Variants in MUC4 observed in about 807,000 individuals in gnomAD.
MUC4 encodes mucin-4.
A neutral mutation model predicts 257.9 loss-of-function variants in MUC4; 202 were observed. That is an observed-to-expected ratio of 0.78 (90% CI 0.70 to 0.88). The LOEUF (loss-of-function observed/expected upper bound fraction) is 0.88, where lower values mean the gene tolerates loss of function less well. Ranked by LOEUF, MUC4 falls within the 40% of genes least tolerant of loss-of-function variation. The pLI, the probability that MUC4 is intolerant of heterozygous loss-of-function variation, is 0.00. For missense variants in MUC4, 5,976 were observed against 6,513.7 expected, an observed-to-expected ratio of 0.92 and a Z score of 2.84; for synonymous variants, 2,351 against 2,757.1, an observed-to-expected ratio of 0.85 and a Z score of 4.62.
chr3:195,811,140 ATTTTATATTTATTTAT>A (rs1459813421), intron 1 of MUC4, among the ~76,000 whole-genome samples: 4 of 144,666 alleles, frequency 2.8e-5, no homozygotes, highest in African/African-American at 1.0e-4. Flanking sequence ...TTTTTATTTT[ATTTTATATTTATTTAT>A]TTATTTATTT....
intron 21 of MUC4, 124 bp downstream of exon 21, chr3:195,752,249 C>T (rs1716587771): frequency 2.2e-6 from 2 of 917,748 alleles, no homozygotes; most frequent in Admixed American, 1.9e-5. Flanking sequence ...GCAAGAGGCT[C>T]CGGCCTCCTC....
At chr3:195,809,379 G>A (rs557742370) in intron 1 of MUC4, among the ~76,000 whole-genome samples, 3 of 152,162 alleles carry the variant, frequency 2.0e-5, no homozygotes, top group Admixed American at 6.5e-5. Flanking sequence ...CAAAAGGAAC[G>A]GGGCTGGCTG....
At chr3:195,764,514 T>C (rs1344853107) in intron 10 of MUC4, among the ~76,000 whole-genome samples, 1 of 152,120 alleles carries the variant, frequency 6.6e-6, no homozygotes, top group Non-Finnish European at 1.5e-5. Flanking sequence ...GAGAGCCAAG[T>C]ACTGCTGCTC....
intron 15 of MUC4, 84 bp from the exon 16 acceptor site, chr3:195,761,201 G>A (rs1718818555): frequency 7.6e-7 from 1 of 1,320,540 alleles, no homozygotes; most frequent in African/African-American, 1.5e-5. Flanking sequence ...CACTTTAGAT[G>A]GCTTGGAGCG....
At chr3:195,770,598 G>A (rs150059060) in intron 5 of MUC4, 29 of 585,298 alleles carry the variant, frequency 5.0e-5, no homozygotes, top group African/African-American at 4.1e-4. Flanking sequence ...TGGCCCAGAC[G>A]TCCAAGACCT....
At chr3:195,803,621 T>C (rs1168217224) in intron 1 of MUC4, among the ~76,000 whole-genome samples, 1 of 152,232 alleles carries the variant, frequency 6.6e-6, no homozygotes. Context: ...CTTTATAGCT[T>C]ATCTTGTTAA....
In MUC4 at chr3:195,765,452, G is replaced by A. The variant is rs1158713686; in HGVS notation, c.13619-3C>T. 1 of 1,610,006 alleles carries A rather than the reference G, an allele frequency of 6.2e-7. No individual in the cohort carries two copies. ...GTAGAACTGCAGCCCTTGGAGGCCTGAGGTCGGGGATGGGGGGGAAAGGGC... is the reference window on the plus strand; with the variant it reads ...GTAGAACTGCAGCCCTTGGAGGCCTAAGGTCGGGGATGGGGGGGAAAGGGC... On this transcript the variant is annotated splice_polypyrimidine_tract_variant and splice_region_variant and intron_variant, in intron 8 of 24. Transcript: ENST00000463781.
intron 18 of MUC4, among the ~76,000 whole-genome samples, chr3:195,754,820 GTGTAT>G (rs1717233624): frequency 5.5e-5 from 1 of 18,100 alleles, no homozygotes; most frequent in African/African-American, 9.0e-5. Context: ...GTATCCATGT[GTGTAT>G]CCATGTGTGT....
intron 1 of MUC4, among the ~76,000 whole-genome samples, chr3:195,795,850 G>GC (rs1390131810): frequency 4.7e-5 from 6 of 126,690 alleles, no homozygotes; most frequent in African/African-American, 1.6e-4. Flanking sequence ...TGGGGGAGGG[G>GC]GGTGGGAGGA....
chr3:195,752,378 C>T lies in MUC4; in HGVS notation c.15577G>A (p.Ala5193Thr), dbSNP rs377123370. 2.0e-5 allele frequency: 32 copies of T among 1,613,246 alleles called. No individual in the cohort carries two copies. Among genetic ancestry groups the T allele is most frequent in the African/African-American group, 2.7e-5 (2 of 74,920 alleles). Reference protein sequence around the residue: ...EENASMAEVNASVAYRLGTLD... With the variant: ...EENASMAEVNTSVAYRLGTLD... ...GCGCGGCCTGCAGCACTGACCGAGG[C>T]GTTGACTTCTGCCATGGAGGCATTT... Residue 5193 changes from alanine (A) to threonine (T), a missense_variant, in exon 21 of 25, where the codon GCC (alanine) becomes ACC (threonine). This residue lies in a region of MUC4 where 996 missense variants were observed against 1,137.3 expected (regional missense o/e 0.88). Coordinates refer to ENST00000463781, the MANE Select transcript of MUC4 (RefSeq NM_018406.7).
rs770027664 is a variant in MUC4 at position 195,781,508 on chromosome 3, CGTG to C, written c.10069_10071del (p.His3357del). On this transcript the variant is annotated inframe_deletion, in exon 2 of 25. Transcript: ENST00000463781. ...AGGCCGGTGACAGGAAGAGGGGTGG[CGTG>C]ACCTGTGGATACTGAGGAAGTGTCG... is the stretch of plus-strand genomic sequence containing the variant. 2 of 1,504,392 alleles carry C rather than the reference CGTG, an allele frequency of 1.3e-6. No homozygotes were observed. Among genetic ancestry groups the C allele is most frequent in the African/African-American group, 3.2e-5 (2 of 62,114 alleles). 93.2% of individuals were successfully genotyped at this position (1,504,392 alleles called of 1,614,324 possible).
chr3:195,806,893 A>G lies in MUC4; in HGVS notation c.82+4843T>C, dbSNP rs567576329. 8.5e-5 allele frequency among the ~76,000 whole-genome samples: 13 copies of G among 152,340 alleles called. No individual in the cohort carries two copies. The South Asian group carries it at 2.5e-3, about 29-fold the overall frequency. On this transcript the variant is annotated intron_variant, in intron 1 of 24. Coordinates refer to ENST00000463781, the MANE Select transcript of MUC4 (RefSeq NM_018406.7). Reference sequence around the variant, plus strand: ...TTCTGCAAGTGAATGAACAACTCCAAAGTCTAGGCTGTTTCTTATTCCAAA... The same window carrying G: ...TTCTGCAAGTGAATGAACAACTCCAGAGTCTAGGCTGTTTCTTATTCCAAA...
At chr3:195,778,071 G>A (rs1232780773) in intron 3 of MUC4, among the ~76,000 whole-genome samples, 4 of 152,316 alleles carry the variant, frequency 2.6e-5, no homozygotes, top group South Asian at 2.1e-4. Flanking sequence ...CGCCGCTACC[G>A]GACCGTCCAT....
At chr3:195,752,141 C>T (rs970154954) in intron 21 of MUC4, 16 of 559,466 alleles carry the variant, frequency 2.9e-5, no homozygotes, top group Admixed American at 6.0e-5. Flanking sequence ...TTAGAGGTCT[C>T]GGCTGGGGTG....
At chr3:195,753,459 CTCAGACCCTCTGCT>C in intron 19 of MUC4, 2 of 542,132 alleles carry the variant, frequency 3.7e-6, no homozygotes, top group Non-Finnish European at 6.4e-6. Flanking sequence ...TGGAGTGTTT[CTCAGACCCTCTGCT>C]TCAGAAAGGA....
Position 195,752,456 on chromosome 3 carries a change from G to A in MUC4, c.15509-10C>T, listed in dbSNP as rs1323090238. On this transcript the variant is annotated splice_polypyrimidine_tract_variant and intron_variant, in intron 20 of 24. Transcript: ENST00000463781. ...ACTCTTAAGGGAAGTTCTGGAGATG[G>A]GAGAAGCAAATGTATCATCACCCCA... The A allele has an allele frequency of 2.5e-6, 4 of 1,611,550 alleles. No individual in the cohort carries two copies. Among genetic ancestry groups the A allele is most frequent in the Admixed American group, 3.3e-5 (2 of 60,020 alleles).
At position 195,778,238 on chromosome 3, in the gene MUC4, G is replaced by T. The variant is rs1349375369; in HGVS notation, c.12943+65C>A. 3.2e-5 allele frequency: 49 copies of T among 1,510,884 alleles called. No individual in the cohort carries two copies. The African/African-American group carries it at 4.2e-4, about 13-fold the overall frequency. 93.6% of individuals were successfully genotyped at this position (1,510,884 alleles called of 1,614,324 possible). ...AGAGAGCGGAGACTGTGGGAAGTAG[G>T]CTGAGAGGGAGCCTTCAGTTACATC... On this transcript the variant is annotated intron_variant, in intron 3 of 24. Coordinates refer to ENST00000463781, the MANE Select transcript of MUC4 (RefSeq NM_018406.7).
intron 1 of MUC4, 105 bp downstream of exon 1, chr3:195,811,629 ATT>A: frequency 1.1e-6 from 1 of 875,700 alleles, no homozygotes; most frequent in Non-Finnish European, 1.8e-6. Flanking sequence ...CCTTTCCCCT[ATT>A]CTCTCTCTCT....
chr3:195,767,585 T>TTACCATTGC (rs1721171624), intron 7 of MUC4, among the ~76,000 whole-genome samples: 1 of 58,776 alleles, frequency 1.7e-5, no homozygotes, highest in African/African-American at 9.2e-5. Context: ...ACCACCACCA[T>TTACCATTGC]CACCACCACC....
Sources: gnomAD v4.1 joint callset for allele counts (sites outside exome capture counted in the v4.1 genomes callset) on GRCh38, gnomAD v4.1.1 for gene constraint, gnomAD v4.1.1 regional missense constraint, MANE v1.5 for transcripts, NCBI Gene and HGNC (gene_info 2026-07-23, HGNC 2026-07-21) for gene names.